MED12: variants seen among roughly 807,000 people sequenced by gnomAD.
MED12 encodes the protein mediator complex subunit 12, also known as mediator of RNA polymerase II transcription subunit 12.
In MED12, 10 loss-of-function variants were observed where a neutral mutation model predicts 177.7. The observed-to-expected ratio is 0.06, with a 90% CI of 0.03 to 0.10. The LOEUF is 0.10. Among genes scored for constraint, MED12 ranks in the 10% least tolerant of loss-of-function variants. The pLI is 1.00. For missense variants in MED12, 867 were observed against 1,780.8 expected (o/e 0.49, Z 9.23); for synonymous variants, 641 against 678.4 (o/e 0.94, Z 0.86).
chrX:71,124,536 A>G (rs1372018127), intron 13 of MED12, 148 bp downstream of exon 13: 9 of 524,003 alleles, frequency 1.7e-5, no homozygotes, highest in Middle Eastern at 5.1e-4. Flanking sequence ...TCTCACATCA[A>G]TTGTTTCATT....
At chrX:71,121,206 C>T in intron 5 of MED12, 54 bp downstream of exon 5, 1 of 1,201,787 alleles carries the variant, frequency 8.3e-7, no homozygotes, top group Non-Finnish European at 1.1e-6. Context: ...AACTTGTACT[C>T]TGCCAGTAGA....
chrX:71,128,520 A>G, intron 23 of MED12, 78 bp from the exon 24 acceptor site: 1 of 1,208,376 alleles, frequency 8.3e-7, no homozygotes, highest in Non-Finnish European at 1.1e-6. Context: ...CCAGGGACAG[A>G]GTTCCGTAGA....
intron 31 of MED12, 137 bp downstream of exon 31, chrX:71,132,675 C>T: frequency 2.2e-6 from 2 of 894,078 alleles, no homozygotes; most frequent in Non-Finnish European, 1.6e-6. Context: ...CATGGCTGAG[C>T]AAGAGGCTAG....
intron 22 of MED12, 78 bp from the exon 23 acceptor site, chrX:71,128,218 G>C: frequency 8.3e-7 from 1 of 1,198,977 alleles, no homozygotes; most frequent in Non-Finnish European, 1.1e-6. Flanking sequence ...TTATTTAGTG[G>C]GGCAGAGATG....
chrX:71,141,208 A>C, intron 42 of MED12, 22 bp from the exon 43 acceptor site: 1 of 1,161,760 alleles, frequency 8.6e-7, no homozygotes, highest in Admixed American at 2.6e-5. Flanking sequence ...CTCCTTCTGA[A>C]GTATCTTTTG....
rs2147779320 is a variant in MED12, at chrX:71,121,550, G to A, written c.847-12G>A. The A allele has an allele frequency of 1.7e-6, 2 of 1,211,332 alleles. No homozygotes were observed. The highest frequency in any genetic ancestry group is 2.2e-6 in the Non-Finnish European group (2 of 895,279). On this transcript the variant is annotated splice_polypyrimidine_tract_variant and intron_variant, in intron 6 of 44. Transcript: ENST00000374080. ...GAGAGAACTAGGGGCTCTGATGGTCGTGTCTTCACAGTACTCTGGGGAATT... is the reference window on the plus strand; with the variant it reads ...GAGAGAACTAGGGGCTCTGATGGTCATGTCTTCACAGTACTCTGGGGAATT...
At chrX:71,137,486 G>T in intron 39 of MED12, 72 bp from the exon 40 acceptor site, 2 of 1,150,861 alleles carry the variant, frequency 1.7e-6, no homozygotes, top group East Asian at 3.0e-5. Flanking sequence ...GGACACTCAG[G>T]GTGGGAGACA....
At chrX:71,140,440 A>G (rs1325867403) in intron 41 of MED12, among the ~76,000 whole-genome samples, 195 bp from the exon 42 acceptor site, 1 of 110,841 alleles carries the variant, frequency 9.0e-6, no homozygotes, top group African/African-American at 3.3e-5. Flanking sequence ...ATTCCTAACC[A>G]TTAAGGTTAT....
In MED12 at chrX:71,125,502, T is replaced by G. The variant is rs768158004; in HGVS notation, c.2371+7T>G. 3.3e-6 allele frequency: 4 copies of G among 1,207,538 alleles called. No individual in the cohort carries two copies. Among genetic ancestry groups the G allele is most frequent in the Admixed American group, 4.4e-5 (2 of 45,602 alleles). ...AAAGGGACAGCAGAAACTGGTGGGT[T>G]TGAGGCTCCTTAAACAGATCTCCCC... is the stretch of plus-strand genomic sequence containing the variant. On this transcript the variant is annotated splice_region_variant and intron_variant, in intron 16 of 44. Transcript: ENST00000374080.
At chrX:71,125,942 C>A in intron 17 of MED12, 94 bp from the exon 18 acceptor site, 1 of 554,527 alleles carries the variant, frequency 1.8e-6, no homozygotes, top group Non-Finnish European at 3.3e-6. Flanking sequence ...TCCCTCCCTC[C>A]CTCCCATAGC....
chrX:71,127,535 CAGG>C (rs1444403054), intron 21 of MED12, 68 bp downstream of exon 21: 2 of 1,022,392 alleles, frequency 2.0e-6, no homozygotes, highest in African/African-American at 3.7e-5. Context: ...CCACCCAACT[CAGG>C]AGGAGAGGAT....
chrX:71,134,907 G>A (rs2092328358), intron 35 of MED12, 59 bp downstream of exon 35: 2 of 1,198,894 alleles, frequency 1.7e-6, no homozygotes, highest in African/African-American at 3.5e-5. Context: ...TCCAGCCTCA[G>A]GAACTTGCTT....
chrX:71,124,185 G>A lies in MED12; in HGVS notation c.1771G>A (p.Val591Met). 1.7e-6 allele frequency: 2 copies of A among 1,211,284 alleles called. No homozygotes were observed. Among genetic ancestry groups the A allele is most frequent in the South Asian group, 1.8e-5 (1 of 56,967 alleles). ...GGACCCTCGAAGTGAGAGTGAGCGG[G>A]TGGAATTCTTTAACTTAGTACTGCT... ...LTDPRSESER[V>M]EFFNLVLLFC... The change falls in exon 13 of 45, where the codon GTG (valine) becomes ATG (methionine). Residue 591 changes from valine to methionine, a missense_variant. This residue lies in a region of MED12 where 309 missense variants were observed against 556.3 expected (regional missense o/e 0.56). Coordinates refer to ENST00000374080, the MANE Select transcript of MED12 (RefSeq NM_005120.3).
At chrX:71,140,964 C>T in intron 42 of MED12, 107 bp downstream of exon 42, 1 of 1,169,881 alleles carries the variant, frequency 8.5e-7, no homozygotes, top group Non-Finnish European at 1.1e-6. Context: ...TACCAAAACA[C>T]CTAGCAGAGC....
At position 71,120,117 on chromosome X, in the gene MED12, A is replaced by C. The variant is rs1309529253; in HGVS notation, c.500A>C (p.Tyr167Ser). 5 of 1,211,583 alleles carry C rather than the reference A, an allele frequency of 4.1e-6. No homozygotes were observed. The highest frequency in any genetic ancestry group is 2.2e-5 in the Admixed American group (1 of 46,014). Residue 167 changes from tyrosine to serine, a missense_variant, in exon 4 of 45, where the codon TAT becomes TCT. By Grantham distance (144) the Tyr-to-Ser change is moderately radical (BLOSUM62 -2). Transcript: ENST00000374080. ...AWLIKMTCAY[Y>S]AAISETKVKK... Reference sequence around the variant, plus strand: ...CTCATTAAGATGACCTGTGCCTACTATGCAGCAATCTCTGAGACCAAGGTT... The same window carrying C: ...CTCATTAAGATGACCTGTGCCTACTCTGCAGCAATCTCTGAGACCAAGGTT...
Position 71,142,301 on chromosome X carries a change from A to T in MED12, c.*83A>T. 1 of 1,038,342 alleles carries T rather than the reference A, an allele frequency of 9.6e-7. No homozygotes were observed. The highest frequency in any genetic ancestry group is 1.4e-6 in the Non-Finnish European group (1 of 738,316). 85.6% of individuals were successfully genotyped at this position (1,038,342 alleles called of 1,213,427 possible). On this transcript the variant is annotated 3_prime_UTR_variant, in exon 45 of 45. Coordinates refer to ENST00000374080, the MANE Select transcript of MED12 (RefSeq NM_005120.3). ...CCAATCCCATTCCTGGGCTAGCACCAGTAGTGGTTGGGGCCCTCCCCTCAG... is the reference window on the plus strand; with the variant it reads ...CCAATCCCATTCCTGGGCTAGCACCTGTAGTGGTTGGGGCCCTCCCCTCAG...
chrX:71,136,508 G>A lies in MED12; in HGVS notation c.5253G>A (p.Pro1751=), dbSNP rs770067057. The change falls in exon 37 of 45, where the codon CCG becomes CCA. Residue 1751 remains proline (P), a synonymous_variant. Coordinates refer to ENST00000374080, the MANE Select transcript of MED12 (RefSeq NM_005120.3). ...PLPLPPEDEE[P]PAPTLLEPEK... ...CACTGCCCCCAGAAGATGAGGAGCC[G>A]CCTGCTCCTACCCTGCTAGAGCCTG... The A allele has an allele frequency of 5.0e-6, 6 of 1,200,479 alleles. No individual in the cohort carries two copies. The African/African-American group carries it at 5.3e-5, about 11-fold the overall frequency.
rs147633472 is a variant in MED12 at position 71,119,975 on chromosome X, G to A, written c.397-39G>A. ...TAAGCTACATGGGTGTCAGCTCATG[G>A]GGATAATAGAGACCTCACTATTTGC... is the stretch of plus-strand genomic sequence containing the variant. On this transcript the variant is annotated intron_variant, in intron 3 of 44. Coordinates refer to ENST00000374080, the MANE Select transcript of MED12 (RefSeq NM_005120.3). 2.4e-3 allele frequency: 2,859 copies of A among 1,207,765 alleles called. 9 individuals are homozygous for A. The highest frequency in any genetic ancestry group is 7.8e-3 in the Middle Eastern group (34 of 4,335).
rs775772433 is a variant in MED12 at position 71,132,805 on chromosome X, CTTCTCTTCTCTTCTCTTCTCTTCTT to C, written c.4416-38_4416-14del. ...CTTCTCTTCTCTTCTCTTCTCTTCT[CTTCTCTTCTCTTCTCTTCTCTTCTT>C]TCTCTTGTCTCTAGCATGTCCCTAT... On this transcript the variant is annotated splice_polypyrimidine_tract_variant and intron_variant, in intron 31 of 44. Transcript: ENST00000374080. 5.0e-6 allele frequency: 3 copies of C among 600,006 alleles called. No homozygotes were observed. Among genetic ancestry groups the C allele is most frequent in the East Asian group, 7.7e-5 (2 of 25,946 alleles). 49.4% of individuals were successfully genotyped at this position (600,006 alleles called of 1,213,427 possible).
Sources: allele counts gnomAD v4.1 joint callset (sites outside exome capture counted in the v4.1 genomes callset), GRCh38; gene constraint gnomAD v4.1.1; regional missense constraint gnomAD v4.1.1; transcripts MANE v1.5; gene names NCBI Gene and HGNC (gene_info 2026-07-23, HGNC 2026-07-21).